KIRREL3: variants seen among roughly 807,000 people sequenced by gnomAD.
KIRREL3 encodes kin of IRRE-like protein 3.
Under a neutral mutation model 89.7 loss-of-function variants are expected in KIRREL3, and 36 were observed. The observed-to-expected ratio is 0.40, with a 90% CI of 0.31 to 0.53. KIRREL3 has a LOEUF of 0.53. Ranked by LOEUF, KIRREL3 falls within the 20% of genes least tolerant of loss-of-function variation. KIRREL3 has a pLI of 0.49. For missense variants in KIRREL3, 864 were observed against 1,056.6 expected, an observed-to-expected ratio of 0.82 and a Z score of 2.53; for synonymous variants, 445 against 441.4, an observed-to-expected ratio of 1.01 and a Z score of -0.10.
chr11:126,453,253 CGTGT>C (rs1382436868), intron 7 of KIRREL3, among the ~76,000 whole-genome samples: 1 of 152,126 alleles, frequency 6.6e-6, no homozygotes, highest in Non-Finnish European at 1.5e-5. Flanking sequence ...GGTTTCATCT[CGTGT>C]GGGGGGGCCA....
At chr11:126,857,748 A>G (rs1354014137) in intron 1 of KIRREL3, among the ~76,000 whole-genome samples, 1 of 108,616 alleles carries the variant, frequency 9.2e-6, no homozygotes. Context: ...CAAAGGAATC[A>G]GCCAATGCGT....
chr11:126,886,629 G>A (rs1015395788), intron 1 of KIRREL3, among the ~76,000 whole-genome samples: 8 of 152,156 alleles, frequency 5.3e-5, no homozygotes, highest in African/African-American at 1.9e-4. Context: ...ATAGTTAGCT[G>A]GGTCCTCTGA....
In KIRREL3 at chr11:126,783,014, A is replaced by G. The variant is rs1950375840; in HGVS notation, c.55+217441T>C. 6.6e-6 allele frequency among the ~76,000 whole-genome samples: 1 copy of G among 152,218 alleles called. No homozygotes were observed. Among genetic ancestry groups the G allele is most frequent in the South Asian group, 2.1e-4 (1 of 4,826 alleles). ...CTGGAGCATCTTGTAGTGCCAGAAA[A>G]TAAGGAAGTGCTCTGTGCTAGTTTC... is the stretch of plus-strand genomic sequence containing the variant. On this transcript the variant is annotated intron_variant, in intron 1 of 16. Coordinates refer to ENST00000525144, the MANE Select transcript of KIRREL3 (RefSeq NM_032531.4). This position sits in a 1 kb window ranked among gnomAD's most constrained non-coding sequence, Gnocchi z 4.3.
In KIRREL3 at chr11:126,501,496, T is replaced by G. The variant is rs929290731; in HGVS notation, c.433+19819A>C. Among the ~76,000 whole-genome samples, 8 of 152,132 alleles carry G rather than the reference T, an allele frequency of 5.3e-5. No individual in the cohort carries two copies. Among genetic ancestry groups the G allele is most frequent in the African/African-American group, 1.9e-4 (8 of 41,420 alleles). ...CTACCGCAGCCCGTCCTGGGTCCTG[T>G]TGATGTGCTACACATTGCAGGGAGC... On this transcript the variant is annotated intron_variant, in intron 4 of 16. Coordinates refer to ENST00000525144, the MANE Select transcript of KIRREL3 (RefSeq NM_032531.4). The surrounding 1 kb of genome is among the most constrained non-coding windows in gnomAD (Gnocchi z 5.8).
intron 4 of KIRREL3, among the ~76,000 whole-genome samples, chr11:126,511,845 TG>T (rs1958232338): frequency 6.6e-6 from 1 of 152,196 alleles, no homozygotes; most frequent in African/African-American, 2.4e-5. Flanking sequence ...GTGAAACCCT[TG>T]TTTTGGGCCT....
intron 1 of KIRREL3, among the ~76,000 whole-genome samples, chr11:126,824,271 T>C (rs182773824): frequency 1.3e-5 from 2 of 152,338 alleles, no homozygotes; most frequent in East Asian, 3.9e-4. Flanking sequence ...GCAAATGGAC[T>C]GAAGGACCCT....
rs1244059229 is a variant in KIRREL3, at chr11:126,812,621, G to A, written c.55+187834C>T. Reference sequence around the variant, plus strand: ...GCAAGCTGTAGATTTCAGATGCAAGGCAATGGTTAGTAACTAGATTTTCTT... The same window carrying A: ...GCAAGCTGTAGATTTCAGATGCAAGACAATGGTTAGTAACTAGATTTTCTT... On this transcript the variant is annotated intron_variant, in intron 1 of 16. Transcript: ENST00000525144. This position sits in a 1 kb window ranked among gnomAD's most constrained non-coding sequence, Gnocchi z 5.2. Among the ~76,000 whole-genome samples the A allele has an allele frequency of 6.6e-6, 1 of 152,130 alleles. No homozygotes were observed. Among genetic ancestry groups the A allele is most frequent in the Non-Finnish European group, 1.5e-5 (1 of 68,028 alleles).
intron 1 of KIRREL3, among the ~76,000 whole-genome samples, chr11:126,626,592 G>A (rs114070837): frequency 2.2e-4 from 34 of 152,256 alleles, no homozygotes; most frequent in African/African-American, 7.9e-4. Flanking sequence ...GGCTTGCAGC[G>A]GTGACTACTG....
intron 1 of KIRREL3, among the ~76,000 whole-genome samples, chr11:126,663,145 G>A (rs1945494703): frequency 6.6e-6 from 1 of 150,490 alleles, no homozygotes; most frequent in Non-Finnish European, 1.5e-5. Context: ...TGAGAGGCAG[G>A]AGAGGGATGT....
intron 1 of KIRREL3, among the ~76,000 whole-genome samples, chr11:126,592,631 C>T (rs1942193332): frequency 2.0e-5 from 3 of 152,240 alleles, no homozygotes; most frequent in Non-Finnish European, 4.4e-5. Flanking sequence ...ACAGTACACT[C>T]TGCATGCCTG....
At position 126,640,360 on chromosome 11, in the gene KIRREL3, G is replaced by GCACACACACA. The variant is rs1944421746; in HGVS notation, c.56-77449_56-77448insTGTGTGTGTG. The stretch of plus-strand genomic sequence containing the variant: ...CACACACACAGACGCGCGTGTGCGC[G>GCACACACACA]CGCACACACACGCACACGCGCACAC... On this transcript the variant is annotated intron_variant, in intron 1 of 16. Transcript: ENST00000525144. This position sits in a 1 kb window ranked among gnomAD's most constrained non-coding sequence, Gnocchi z 4.9. Among the ~76,000 whole-genome samples the GCACACACACA allele has an allele frequency of 6.6e-6, 1 of 151,920 alleles. No homozygotes were observed. Among genetic ancestry groups the GCACACACACA allele is most frequent in the Non-Finnish European group, 1.5e-5 (1 of 67,968 alleles).
intron 1 of KIRREL3, among the ~76,000 whole-genome samples, chr11:126,934,305 A>G (rs1948083833): frequency 6.6e-6 from 1 of 152,206 alleles, no homozygotes; most frequent in Non-Finnish European, 1.5e-5. Flanking sequence ...CACAAGCACA[A>G]ATTAACCCCA....
chr11:126,557,231 C>G lies in KIRREL3; in HGVS notation c.133+5604G>C, dbSNP rs941552003. ...GGCCTGCCCGACTCTTTCCCTGCCA[C>G]CCAGCATATAGCTGATATGGCCTGA... On this transcript the variant is annotated intron_variant, in intron 2 of 16. Coordinates refer to ENST00000525144, the MANE Select transcript of KIRREL3 (RefSeq NM_032531.4). This position sits in a 1 kb window ranked among gnomAD's most constrained non-coding sequence, Gnocchi z 5.6. Among the ~76,000 whole-genome samples the G allele has an allele frequency of 6.6e-6, 1 of 152,206 alleles. No homozygotes were observed. Among genetic ancestry groups the G allele is most frequent in the African/African-American group, 2.4e-5 (1 of 41,436 alleles).
intron 1 of KIRREL3, among the ~76,000 whole-genome samples, chr11:126,711,526 C>T (rs1051468681): frequency 6.6e-6 from 1 of 152,176 alleles, no homozygotes; most frequent in South Asian, 2.1e-4. Flanking sequence ...CGCGCCACTG[C>T]ACTCCAGCCT....
In KIRREL3 at chr11:126,742,297, G is replaced by A. The variant is rs186315043; in HGVS notation, c.56-179385C>T. Reference sequence around the variant, plus strand: ...GTCTTGCTGTCTGTCTGTATGCAAGGGAAGTTTATTATCAAAGCAAAACTG... The same window carrying A: ...GTCTTGCTGTCTGTCTGTATGCAAGAGAAGTTTATTATCAAAGCAAAACTG... On this transcript the variant is annotated intron_variant, in intron 1 of 16. Coordinates refer to ENST00000525144, the MANE Select transcript of KIRREL3 (RefSeq NM_032531.4). The surrounding 1 kb of genome is among the most constrained non-coding windows in gnomAD (Gnocchi z 5.3). Among the ~76,000 whole-genome samples, 1 of 152,256 alleles carries A rather than the reference G, an allele frequency of 6.6e-6. No individual in the cohort carries two copies. The highest frequency in any genetic ancestry group is 2.4e-5 in the African/African-American group (1 of 41,558).
At chr11:126,833,211 G>A (rs139088749) in intron 1 of KIRREL3, among the ~76,000 whole-genome samples, 5 of 152,292 alleles carry the variant, frequency 3.3e-5, no homozygotes, top group African/African-American at 1.2e-4. Context: ...GCTCTAATGG[G>A]GACCCAGTTT....
chr11:126,560,854 A>G (rs61004353), intron 2 of KIRREL3, among the ~76,000 whole-genome samples: 8,881 of 152,272 alleles, frequency 0.058, 783 homozygotes, highest in African/African-American at 0.19. Context: ...TCCCTATTTT[A>G]CCAATTGTTC....
In KIRREL3 at chr11:126,561,450, A is replaced by C. The variant is rs1940115732; in HGVS notation, c.133+1385T>G. On this transcript the variant is annotated intron_variant, in intron 2 of 16. Transcript: ENST00000525144. This position sits in a 1 kb window ranked among gnomAD's most constrained non-coding sequence, Gnocchi z 4.5. ...CCTCTTTCGAGCTTCTCTAATGAGC[A>C]TCGCCAGCAAGAGAACATGTCTATT... 6.6e-6 allele frequency among the ~76,000 whole-genome samples: 1 copy of C among 152,202 alleles called. No homozygotes were observed.
At position 126,811,730 on chromosome 11, in the gene KIRREL3, G is replaced by A. The variant is rs1436784874; in HGVS notation, c.55+188725C>T. Among the ~76,000 whole-genome samples the A allele has an allele frequency of 6.6e-6, 1 of 152,122 alleles. No individual in the cohort carries two copies. Among genetic ancestry groups the A allele is most frequent in the Non-Finnish European group, 1.5e-5 (1 of 68,022 alleles). On this transcript the variant is annotated intron_variant, in intron 1 of 16. Coordinates refer to ENST00000525144, the MANE Select transcript of KIRREL3 (RefSeq NM_032531.4). This position sits in a 1 kb window ranked among gnomAD's most constrained non-coding sequence, Gnocchi z 4.3. ...GCCTCCCAAGTAGCGGGGATTACCGGCGCCTGCTACCATGCCCAGCTAATT... is the reference window on the plus strand; with the variant it reads ...GCCTCCCAAGTAGCGGGGATTACCGACGCCTGCTACCATGCCCAGCTAATT...
Sources: allele counts gnomAD v4.1 joint callset (sites outside exome capture counted in the v4.1 genomes callset), GRCh38; gene constraint gnomAD v4.1.1; non-coding constraint Gnocchi (gnomAD v3.1); transcripts MANE v1.5; gene names NCBI Gene and HGNC (gene_info 2026-07-23, HGNC 2026-07-21).